The following CTNNA2 variants were observed in gnomAD, a reference collection of about 807,000 sequenced individuals.
CTNNA2 encodes catenin alpha-2.
A neutral mutation model predicts 101.0 loss-of-function variants in CTNNA2; 42 were observed. That is an observed-to-expected ratio of 0.42 (90% CI 0.32 to 0.54). The LOEUF is 0.54. Ranked by LOEUF, CTNNA2 falls within the 20% of genes least tolerant of loss-of-function variation. The pLI is 0.14. For missense variants in CTNNA2, 871 were observed against 1,223.1 expected (o/e 0.71, Z 4.29); for synonymous variants, 450 against 456.4 (o/e 0.99, Z 0.18).
intron 3 of CTNNA2, among the ~76,000 whole-genome samples, chr2:79,825,372 ATTTTT>A (rs1678352251): frequency 2.6e-5 from 4 of 152,132 alleles, no homozygotes; most frequent in Non-Finnish European, 5.9e-5. Flanking sequence ...ACCAGTTGGG[ATTTTT>A]AAAATAGGTG....
chr2:80,354,432 G>A (rs2149304280), intron 7 of CTNNA2, among the ~76,000 whole-genome samples: 1 of 152,246 alleles, frequency 6.6e-6, no homozygotes, highest in East Asian at 1.9e-4. Context: ...AAGAGCATGA[G>A]TCATATGGCC....
intron 3 of CTNNA2, among the ~76,000 whole-genome samples, chr2:79,749,732 C>T (rs1286222958): frequency 2.0e-5 from 3 of 152,178 alleles, no homozygotes; most frequent in African/African-American, 4.8e-5. Flanking sequence ...AGTCACTTAA[C>T]CACTTTTAGC....
At chr2:80,596,292 T>TTTTTTTTG (rs1696962413) in intron 15 of CTNNA2, among the ~76,000 whole-genome samples, 1 of 41,712 alleles carries the variant, frequency 2.4e-5, no homozygotes, top group Non-Finnish European at 4.6e-5. Context: ...TTTTTTTTTT[T>TTTTTTTTG]TTTTTTTTTT....
At chr2:79,831,737 A>C (rs1678943292) in intron 3 of CTNNA2, among the ~76,000 whole-genome samples, 1 of 135,352 alleles carries the variant, frequency 7.4e-6, no homozygotes, top group African/African-American at 3.1e-5. Context: ...ATTCACTGAG[A>C]GTACACATTT....
At chr2:79,757,050 A>G (rs1026909895) in intron 3 of CTNNA2, among the ~76,000 whole-genome samples, 3 of 152,246 alleles carry the variant, frequency 2.0e-5, no homozygotes, top group South Asian at 2.1e-4. Flanking sequence ...TAACTCAGTA[A>G]TCACAACCCT....
chr2:80,537,550 A>T, intron 9 of CTNNA2, among the ~76,000 whole-genome samples: 1 of 151,828 alleles, frequency 6.6e-6, no homozygotes, highest in Admixed American at 6.6e-5. Flanking sequence ...ACAGTGTAAA[A>T]GCGTTCCTTT....
At chr2:80,434,546 A>AGTG (rs1247791090) in intron 9 of CTNNA2, among the ~76,000 whole-genome samples, 20 of 134,946 alleles carry the variant, frequency 1.5e-4, no homozygotes, top group Non-Finnish European at 4.5e-5. Flanking sequence ...GCTAACATAC[A>AGTG]GTGGTGTGGC....
At chr2:80,397,597 G>A (rs1366652534) in intron 8 of CTNNA2, among the ~76,000 whole-genome samples, 7 of 152,140 alleles carry the variant, frequency 4.6e-5, no homozygotes, top group African/African-American at 7.2e-5. Context: ...CTTGCCTGCC[G>A]CCGTGTATGA....
At chr2:79,871,475 C>G (rs910885339) in intron 5 of CTNNA2, among the ~76,000 whole-genome samples, 2 of 152,046 alleles carry the variant, frequency 1.3e-5, no homozygotes, top group African/African-American at 4.8e-5. Context: ...GTCTAGAAGC[C>G]TAGGAATCTG....
In CTNNA2 at chr2:80,647,622, A is replaced by G; in HGVS notation, c.2612A>G (p.Asn871Ser). 6.2e-7 allele frequency: 1 copy of G among 1,613,060 alleles called. No individual in the cohort carries two copies. The highest frequency in any genetic ancestry group is 8.5e-7 in the Non-Finnish European group (1 of 1,179,322). ...ACATCGCTTATCCAGGCAGCTAAAA[A>G]CCTGATGAATGCTGTTGTCCTCACG... ...SATSLIQAAKNLMNAVVLTVK... is the reference protein window; with the variant it reads ...SATSLIQAAKSLMNAVVLTVK... Residue 871 changes from asparagine (N) to serine (S), a missense_variant, in exon 19 of 19, where the codon AAC (asparagine) becomes AGC (serine). By Grantham distance (46) the Asn-to-Ser change is conservative. Transcript: ENST00000402739.
At chr2:80,577,193 A>G (rs1406682809) in intron 13 of CTNNA2, among the ~76,000 whole-genome samples, 1 of 152,166 alleles carries the variant, frequency 6.6e-6, no homozygotes, top group Admixed American at 6.6e-5. Flanking sequence ...AAAAGTCTCT[A>G]CCCTCACAGG....
intron 3 of CTNNA2, among the ~76,000 whole-genome samples, chr2:79,795,042 A>T (rs1675591739): frequency 6.6e-6 from 1 of 152,214 alleles, no homozygotes; most frequent in African/African-American, 2.4e-5. Flanking sequence ...AATATGTTCT[A>T]GCCTCATCTT....
intron 15 of CTNNA2, among the ~76,000 whole-genome samples, chr2:80,593,343 G>GT (rs974139616): frequency 8.6e-5 from 12 of 138,914 alleles, no homozygotes; most frequent in Non-Finnish European, 1.3e-4. Flanking sequence ...TTTTTCTTTT[G>GT]TTTTTTTGTT....
At chr2:79,437,159 G>A (rs1015741789) in intron 4 of CTNNA2, among the ~76,000 whole-genome samples, 5 of 151,858 alleles carry the variant, frequency 3.3e-5, no homozygotes, top group Non-Finnish European at 7.4e-5. Flanking sequence ...AGTTGAAACC[G>A]GGAGGCAGTG....
In CTNNA2 at chr2:79,688,272, T is replaced by C. The variant is rs150773601; in HGVS notation, c.102+36614T>C. Among the ~76,000 whole-genome samples the C allele has an allele frequency of 4.6e-3, 707 of 152,060 alleles. 7 individuals are homozygous for C. Among genetic ancestry groups the C allele is most frequent in the African/African-American group, 0.016 (669 of 41,498 alleles). The stretch of plus-strand genomic sequence containing the variant: ...AGTAAAGCTCATAAACGAGTGCCAG[T>C]AGAACAAACAGCAAAACACAGGAGA... On this transcript the variant is annotated intron_variant, in intron 2 of 18. Coordinates refer to ENST00000402739, the MANE Select transcript of CTNNA2 (RefSeq NM_001282597.3).
intron 7 of CTNNA2, among the ~76,000 whole-genome samples, chr2:80,300,779 A>G (rs1361719935): frequency 2.0e-5 from 3 of 152,104 alleles, no homozygotes; most frequent in Admixed American, 1.3e-4. Context: ...TTGTCATCTG[A>G]TGAAGGAGCC....
rs536810123 is a variant in CTNNA2, at chr2:79,451,887, A to G, written c.-134-53167A>G. ...TGTATATATGTATACAAACTGTACA[A>G]TCCAAACTAGCACAACTATTTTTCA... On this transcript the variant is annotated intron_variant, in intron 4 of 21. Transcript: ENST00000466387. 9.2e-5 allele frequency among the ~76,000 whole-genome samples: 14 copies of G among 152,038 alleles called. No homozygotes were observed. In the South Asian group the frequency reaches 2.9e-3, roughly 32 times the overall value.
chr2:79,513,482 T>G (rs777341908), intron 1 of CTNNA2, among the ~76,000 whole-genome samples: 3 of 152,120 alleles, frequency 2.0e-5, no homozygotes, highest in Non-Finnish European at 4.4e-5. Flanking sequence ...CCCTTTCCTC[T>G]TGTCTCCATC....
At chr2:80,277,632 G>A (rs966744049) in intron 7 of CTNNA2, among the ~76,000 whole-genome samples, 1 of 149,858 alleles carries the variant, frequency 6.7e-6, no homozygotes, top group East Asian at 2.0e-4. Flanking sequence ...GGAGAAAATA[G>A]GGACCTTCTG....
Sources: allele counts gnomAD v4.1 joint callset (sites outside exome capture counted in the v4.1 genomes callset), GRCh38; gene constraint gnomAD v4.1.1; transcripts MANE v1.5; gene names NCBI Gene and HGNC (gene_info 2026-07-23, HGNC 2026-07-21).